Variants in PPP2R2B observed in about 807,000 individuals in gnomAD.
PPP2R2B encodes the protein serine/threonine-protein phosphatase 2A 55 kDa regulatory subunit B beta isoform.
In PPP2R2B, 5 loss-of-function variants were observed where a neutral mutation model predicts 46.0. That is an observed-to-expected ratio of 0.11 (90% CI 0.06 to 0.23). The LOEUF is 0.23. Ranked by LOEUF, PPP2R2B falls within the 10% of genes least tolerant of loss-of-function variation. The pLI, the probability that PPP2R2B is intolerant of heterozygous loss-of-function variation, is 1.00. For synonymous variants in PPP2R2B, 215 were observed against 206.7 expected, an observed-to-expected ratio of 1.04 and a Z score of -0.34; for missense variants, 367 against 575.0, an observed-to-expected ratio of 0.64 and a Z score of 3.70.
chr5:146,927,217 C>T (rs1001968094), intron 1 of PPP2R2B, among the ~76,000 whole-genome samples: 15 of 152,148 alleles, frequency 9.9e-5, no homozygotes, highest in African/African-American at 3.6e-4. Flanking sequence ...TTGAAGTTTC[C>T]AACTTTGCAC....
intron 8 of PPP2R2B, among the ~76,000 whole-genome samples, chr5:146,596,149 TAATAA>T (rs1267639717): frequency 6.6e-6 from 1 of 152,188 alleles, no homozygotes; most frequent in African/African-American, 2.4e-5. Flanking sequence ...GGCTGTGTCT[TAATAA>T]AATTTACCTA....
intron 2 of PPP2R2B, among the ~76,000 whole-genome samples, chr5:146,774,556 C>T (rs1439714551): frequency 6.6e-6 from 1 of 151,970 alleles, no homozygotes; most frequent in Non-Finnish European, 1.5e-5. Flanking sequence ...GTGACTCATG[C>T]CTATAATCCC....
rs187225476 is a variant in PPP2R2B, at chr5:146,959,998, G to A, written c.79+95667C>T. On this transcript the variant is annotated intron_variant, in intron 1 of 8. Transcript: ENST00000336640. Reference sequence around the variant, plus strand: ...GGAGCCATTGATAGGTTTTAAGCACGGAAATGTCATGATCACTTTTAGTTG... The same window carrying A: ...GGAGCCATTGATAGGTTTTAAGCACAGAAATGTCATGATCACTTTTAGTTG... 2.6e-4 allele frequency among the ~76,000 whole-genome samples: 39 copies of A among 152,264 alleles called. No individual in the cohort carries two copies. The East Asian group carries it at 4.2e-3, about 17-fold the overall frequency.
At chr5:146,817,065 C>T (rs963430321) in intron 2 of PPP2R2B, among the ~76,000 whole-genome samples, 7 of 152,270 alleles carry the variant, frequency 4.6e-5, no homozygotes, top group African/African-American at 1.7e-4. Context: ...TACTCCCCTC[C>T]CTGTATGCAG....
At chr5:146,617,416 T>C (rs1773273109) in intron 7 of PPP2R2B, among the ~76,000 whole-genome samples, 1 of 152,244 alleles carries the variant, frequency 6.6e-6, no homozygotes, top group Non-Finnish European at 1.5e-5. Context: ...ATATACCGTT[T>C]ACCCCAATGT....
At chr5:146,868,506 T>C (rs901017278) in intron 2 of PPP2R2B, among the ~76,000 whole-genome samples, 5 of 152,288 alleles carry the variant, frequency 3.3e-5, no homozygotes, top group Middle Eastern at 3.4e-3. Flanking sequence ...CAGAAAAGTC[T>C]GTAGAGAGCA....
intron 7 of PPP2R2B, among the ~76,000 whole-genome samples, chr5:146,601,404 C>A (rs1459661327): frequency 1.3e-5 from 2 of 152,094 alleles, no homozygotes; most frequent in Non-Finnish European, 2.9e-5. Flanking sequence ...CAAGACCAGC[C>A]TGGATAACAT....
chr5:146,820,748 C>G (rs974184082), intron 2 of PPP2R2B, among the ~76,000 whole-genome samples: 1 of 152,016 alleles, frequency 6.6e-6, no homozygotes, highest in Admixed American at 6.6e-5. Context: ...CCTCCGTCTC[C>G]TCCCCTCTCC....
At chr5:146,956,780 A>C (rs1483568213) in intron 1 of PPP2R2B, among the ~76,000 whole-genome samples, 1 of 152,208 alleles carries the variant, frequency 6.6e-6, no homozygotes, top group Non-Finnish European at 1.5e-5. Flanking sequence ...AGGGGCCAGC[A>C]GATTTGGTGT....
At chr5:147,073,981 A>T (rs2060511248) in intron 2 of PPP2R2B, among the ~76,000 whole-genome samples, 1 of 151,666 alleles carries the variant, frequency 6.6e-6, no homozygotes, top group Admixed American at 6.6e-5. Context: ...GGTTGCAGTG[A>T]GCCAAGATCG....
intron 2 of PPP2R2B, among the ~76,000 whole-genome samples, chr5:146,820,442 G>A (rs1276164030): frequency 1.3e-5 from 2 of 152,100 alleles, no homozygotes; most frequent in African/African-American, 4.8e-5. Context: ...TCTCATTTGT[G>A]GATAATTGAG....
intron 2 of PPP2R2B, among the ~76,000 whole-genome samples, chr5:146,854,301 T>A (rs991140218): frequency 6.6e-6 from 1 of 151,456 alleles, no homozygotes; most frequent in African/African-American, 2.4e-5. Flanking sequence ...TTAAAATACA[T>A]AATATGTTAC....
chr5:146,757,148 T>C (rs1022819321), intron 2 of PPP2R2B, among the ~76,000 whole-genome samples: 2 of 151,946 alleles, frequency 1.3e-5, no homozygotes, highest in Non-Finnish European at 2.9e-5. Flanking sequence ...TGTGAGGAAC[T>C]GACAGGCAAT....
chr5:146,846,266 C>T (rs1032186042), intron 2 of PPP2R2B, among the ~76,000 whole-genome samples: 4 of 152,058 alleles, frequency 2.6e-5, no homozygotes. Flanking sequence ...GTAATCCTAG[C>T]TACTCAGGAG....
intron 1 of PPP2R2B, among the ~76,000 whole-genome samples, chr5:146,933,381 C>T (rs917861851): frequency 1.3e-5 from 2 of 151,988 alleles, no homozygotes; most frequent in Non-Finnish European, 2.9e-5. Flanking sequence ...AAAGCTGCAC[C>T]TTAATTATTT....
rs946343918 is a variant in PPP2R2B, at chr5:146,878,718, C to T, written c.-252G>A. 3.1e-5 allele frequency: 28 copies of T among 912,526 alleles called. No individual in the cohort carries two copies. In the East Asian group the frequency reaches 1.5e-3, roughly 47 times the overall value. 56.5% of individuals were successfully genotyped at this position (912,526 alleles called of 1,614,324 possible). A position where few individuals can be genotyped will look rare whatever the true frequency, so the allele number is the denominator to read the frequency against. On this transcript the variant is annotated 5_prime_UTR_variant, in exon 1 of 10. Transcript: ENST00000394411. The surrounding 1 kb of genome is among the most constrained non-coding windows in gnomAD (Gnocchi z 4.5). The stretch of plus-strand genomic sequence containing the variant: ...GCACTCACCCTCACACCCACACGCG[C>T]GCACTCGCAGCTGCTGCTGCTGCTG...
intron 7 of PPP2R2B, among the ~76,000 whole-genome samples, chr5:146,631,946 C>T (rs1167537391): frequency 6.6e-6 from 1 of 152,100 alleles, no homozygotes; most frequent in Non-Finnish European, 1.5e-5. Flanking sequence ...AACATCAGCA[C>T]CTGCCCAGGC....
chr5:146,909,597 G>A (rs1763112826), intron 1 of PPP2R2B, among the ~76,000 whole-genome samples: 1 of 152,188 alleles, frequency 6.6e-6, no homozygotes, highest in African/African-American at 2.4e-5. Context: ...ATAATGGAAG[G>A]CATTCACTAT....
At chr5:146,728,065 A>G (rs1330475883) in intron 2 of PPP2R2B, among the ~76,000 whole-genome samples, 1 of 152,056 alleles carries the variant, frequency 6.6e-6, no homozygotes, top group East Asian at 1.9e-4. Context: ...TATAATTTTA[A>G]ATACCACAAA....
Sources: allele counts gnomAD v4.1 joint callset (sites outside exome capture counted in the v4.1 genomes callset), GRCh38; gene constraint gnomAD v4.1.1; non-coding constraint Gnocchi (gnomAD v3.1); transcripts MANE v1.5; gene names NCBI Gene and HGNC (gene_info 2026-07-23, HGNC 2026-07-21).